Variants in MOCOS observed in about 807,000 individuals in gnomAD.
The protein encoded by MOCOS is molybdenum cofactor sulfurase.
In MOCOS, 86 loss-of-function variants were observed where a neutral mutation model predicts 83.6. The observed-to-expected ratio is 1.03, with a 90% confidence interval of 0.86 to 1.23. MOCOS has a LOEUF of 1.23. Among genes scored for constraint, MOCOS ranks in the 50% most tolerant of loss-of-function variants. The pLI is 0.00. For synonymous variants in MOCOS, 445 were observed against 434.7 expected, an observed-to-expected ratio of 1.02 and a Z score of -0.29; for missense variants, 1,120 against 1,126.9, an observed-to-expected ratio of 0.99 and a Z score of 0.09.
At chr18:36,204,194 C>G (rs1250952100) in intron 5 of MOCOS, among the ~76,000 whole-genome samples, 1 of 152,144 alleles carries the variant, frequency 6.6e-6, no homozygotes, top group Non-Finnish European at 1.5e-5. Context: ...CTTTACCATA[C>G]CAAACAGAAA....
chr18:36,207,804 T>C (rs1045588065), intron 6 of MOCOS, among the ~76,000 whole-genome samples: 18 of 152,182 alleles, frequency 1.2e-4, no homozygotes, highest in Admixed American at 1.2e-3. Flanking sequence ...TTAGTTAGGC[T>C]TCATTTGTCA....
Position 36,268,751 on chromosome 18 carries a change from G to C in MOCOS, c.*66G>C, listed in dbSNP as rs955959474. Reference sequence around the variant, plus strand: ...CTATTATTGTTAAGATCTGCAACTTGGTTCAGTAGAACTTGATGTTTTGAA... The same window carrying C: ...CTATTATTGTTAAGATCTGCAACTTCGTTCAGTAGAACTTGATGTTTTGAA... On this transcript the variant is annotated 3_prime_UTR_variant, in exon 15 of 15. Coordinates refer to ENST00000261326, the MANE Select transcript of MOCOS (RefSeq NM_017947.4). The C allele has an allele frequency of 1.5e-6, 2 of 1,351,944 alleles. No individual in the cohort carries two copies. The highest frequency in any genetic ancestry group is 2.3e-5 in the South Asian group (2 of 85,116). 83.7% of individuals were successfully genotyped at this position (1,351,944 alleles called of 1,614,324 possible).
At chr18:36,214,848 G>A (rs558902787) in intron 7 of MOCOS, among the ~76,000 whole-genome samples, 47 of 152,246 alleles carry the variant, frequency 3.1e-4, no homozygotes, top group Admixed American at 7.2e-4. Flanking sequence ...CCATTTGTTC[G>A]GGTGTCTGAC....
chr18:36,231,504 A>G (rs2091537573), intron 9 of MOCOS, among the ~76,000 whole-genome samples: 1 of 152,216 alleles, frequency 6.6e-6, no homozygotes, highest in Non-Finnish European at 1.5e-5. Context: ...ACATAGAAAA[A>G]AGACTAGCTT....
chr18:36,237,936 T>G (rs1396590238), intron 9 of MOCOS, among the ~76,000 whole-genome samples: 2 of 152,024 alleles, frequency 1.3e-5, no homozygotes, highest in East Asian at 1.9e-4. Context: ...GTTTGTAGTA[T>G]TCTCTGACGG....
chr18:36,210,590 C>T (rs1405869642), intron 6 of MOCOS, among the ~76,000 whole-genome samples: 1 of 151,972 alleles, frequency 6.6e-6, no homozygotes, highest in Non-Finnish European at 1.5e-5. Context: ...GTGGCTCACA[C>T]CTGTAATCCT....
chr18:36,210,688 TA>T (rs2091451467), intron 6 of MOCOS, among the ~76,000 whole-genome samples: 1 of 150,872 alleles, frequency 6.6e-6, no homozygotes, highest in Non-Finnish European at 1.5e-5. Context: ...CTGTCTCTAC[TA>T]AAAATACAAA....
intron 1 of MOCOS, among the ~76,000 whole-genome samples, chr18:36,192,902 G>T (rs1385222041): frequency 6.6e-6 from 1 of 152,112 alleles, no homozygotes; most frequent in Non-Finnish European, 1.5e-5. Context: ...ACTCACCTCA[G>T]CTTCCCCAAG....
intron 9 of MOCOS, among the ~76,000 whole-genome samples, chr18:36,244,807 G>A (rs774297263): frequency 3.7e-4 from 56 of 152,086 alleles, no homozygotes; most frequent in Middle Eastern, 3.4e-3. Context: ...CTCCAATTCC[G>A]GTGTTAGGTG....
chr18:36,189,042 C>A (rs556452028), intron 1 of MOCOS, among the ~76,000 whole-genome samples: 1 of 152,182 alleles, frequency 6.6e-6, no homozygotes, highest in East Asian at 1.9e-4. Flanking sequence ...AGCAACTCTT[C>A]AAGGCTACCT....
intron 9 of MOCOS, among the ~76,000 whole-genome samples, chr18:36,239,237 C>T (rs114673949): frequency 0.017 from 2,641 of 152,198 alleles, 62 homozygotes; most frequent in African/African-American, 0.055. Flanking sequence ...ACTTGATGAT[C>T]GTTACATTTT....
chr18:36,229,420 C>T (rs1185055973), intron 9 of MOCOS, among the ~76,000 whole-genome samples: 1 of 151,918 alleles, frequency 6.6e-6, no homozygotes, highest in African/African-American at 2.4e-5. Context: ...GTCAGTTTTC[C>T]CTTGCCTTTT....
In MOCOS at chr18:36,218,768, C is replaced by T. The variant is rs148555557; in HGVS notation, c.1798-1287C>T. Reference sequence around the variant, plus strand: ...CTCCTTGCCTCAAGTGATCCCCCTGCCTCAACCTCCCAAAGTGCTGGCGTT... The same window carrying T: ...CTCCTTGCCTCAAGTGATCCCCCTGTCTCAACCTCCCAAAGTGCTGGCGTT... On this transcript the variant is annotated intron_variant, in intron 8 of 14. Transcript: ENST00000261326. Among the ~76,000 whole-genome samples the T allele has an allele frequency of 7.2e-4, 110 of 152,156 alleles. 1 individual carries two copies. In the East Asian group the frequency reaches 0.02, roughly 28 times the overall value.
At chr18:36,195,439 T>A in intron 2 of MOCOS, 93 bp downstream of exon 2, 1 of 1,198,548 alleles carries the variant, frequency 8.3e-7, no homozygotes, top group Non-Finnish European at 1.2e-6. Flanking sequence ...CCAGGAATAT[T>A]CTGACCACAA....
Position 36,200,240 on chromosome 18 carries a change from G to C in MOCOS, c.857G>C (p.Arg286Thr), listed in dbSNP as rs2144901511. 1.2e-6 allele frequency: 2 copies of C among 1,614,208 alleles called. No homozygotes were observed. The highest frequency in any genetic ancestry group is 3.3e-4 in the Middle Eastern group (2 of 6,060). Residue 286 changes from arginine to threonine, a missense_variant, in exon 4 of 15, where the codon AGG becomes ACG. Transcript: ENST00000261326. ...CATAATCGTGCGGCTCCTCTACTGA[G>C]GAAGACCTACTTTGGAGGAGGGACA... The part of the protein sequence containing the change: ...LVHNRAAPLL[R>T]KTYFGGGTAS...
At position 36,205,155 on chromosome 18, in the gene MOCOS, C is replaced by G. The variant is rs1163747743; in HGVS notation, c.1097C>G (p.Pro366Arg). ...TYVALSSLQYPNGAPVVRIYS... is the reference protein window; with the variant it reads ...TYVALSSLQYRNGAPVVRIYS... ...GTGGCCCTGTCCTCTCTCCAGTACC[C>G]CAATGGAGCCCCTGTGGTGCGGATT... The change falls in exon 6 of 15, where the codon CCC (proline) becomes CGC (arginine). Residue 366 changes from proline to arginine, a missense_variant. Physicochemically the swap from Pro to Arg is moderately radical, Grantham distance 103. Transcript: ENST00000261326. 2 of 1,613,370 alleles carry G rather than the reference C, an allele frequency of 1.2e-6. No homozygotes were observed. The highest frequency in any genetic ancestry group is 2.7e-5 in the African/African-American group (2 of 74,840).
intron 9 of MOCOS, among the ~76,000 whole-genome samples, chr18:36,239,991 C>A (rs1211984069): frequency 7.0e-6 from 1 of 142,606 alleles, no homozygotes. Context: ...TCCATCAGCT[C>A]CTTTAAGCAC....
chr18:36,264,004 G>A (rs72884248), intron 13 of MOCOS, among the ~76,000 whole-genome samples: 14,643 of 151,982 alleles, frequency 0.096, 901 homozygotes, highest in East Asian at 0.21. Flanking sequence ...TGCAGAACCC[G>A]TCTCTACTAA....
chr18:36,214,150 A>G (rs1018030497), intron 7 of MOCOS, among the ~76,000 whole-genome samples: 1 of 149,984 alleles, frequency 6.7e-6, no homozygotes, highest in Non-Finnish European at 1.5e-5. Context: ...CTGAGGCAGG[A>G]GAACTGCTTG....
Sources: gnomAD v4.1 joint callset for allele counts (sites outside exome capture counted in the v4.1 genomes callset) on GRCh38, gnomAD v4.1.1 for gene constraint, MANE v1.5 for transcripts, NCBI Gene and HGNC (gene_info 2026-07-23, HGNC 2026-07-21) for gene names.